ZNF680: variants seen among roughly 807,000 people sequenced by gnomAD.
ZNF680 encodes the protein hypothetical protein FLJ90430.
ZNF680 carries 6 observed loss-of-function variants against 12.1 expected under a neutral mutation model. The observed-to-expected ratio is 0.49, with a 90% confidence interval of 0.27 to 0.98. ZNF680 has a LOEUF of 0.98. ZNF680 is among the 50% of genes least tolerant of loss of function. The pLI is 0.12. For missense variants in ZNF680, 561 were observed against 616.3 expected (o/e 0.91, Z 0.95); for synonymous variants, 170 against 199.3 (o/e 0.85, Z 1.24).
chr7:64,500,748 G>T, the ZNF680 span: 1 of 292,090 alleles, frequency 3.4e-6, no homozygotes, highest in South Asian at 4.0e-5. Flanking sequence ...TAGAACCTGG[G>T]AGTAGGAGAC....
At chr7:64,530,472 A>G (rs1471106319) in intron 3 of ZNF680, among the ~76,000 whole-genome samples, 1 of 152,208 alleles carries the variant, frequency 6.6e-6, no homozygotes, top group Non-Finnish European at 1.5e-5. Flanking sequence ...GGAAAAAAAC[A>G]TTTCATGCAA....
At position 64,522,041 on chromosome 7, in the gene ZNF680, T is replaced by C; in HGVS notation, c.713A>G (p.Tyr238Cys). Residue 238 changes from tyrosine to cysteine, a missense_variant, in exon 4 of 4, where the codon TAC becomes TGC. Transcript: ENST00000309683. ...HKGIHMGEKPYKCEECGKAFN... is the reference protein window; with the variant it reads ...HKGIHMGEKPCKCEECGKAFN... ...GGCTTTGCCACATTCCTCACATTTG[T>C]AGGGTTTCTCTCCCATATGAATTCC... 6.2e-7 allele frequency: 1 copy of C among 1,613,124 alleles called. No homozygotes were observed. Among genetic ancestry groups the C allele is most frequent in the Non-Finnish European group, 8.5e-7 (1 of 1,179,556 alleles).
At chr7:64,531,312 T>G (rs908119651) in intron 3 of ZNF680, among the ~76,000 whole-genome samples, 3 of 151,940 alleles carry the variant, frequency 2.0e-5, no homozygotes, top group Non-Finnish European at 4.4e-5. Context: ...AAACTAGAAA[T>G]CAGCCGGGCG....
chr7:64,503,378 C>CTTTTTTTT, the ZNF680 span, among the ~76,000 whole-genome samples: 3 of 89,900 alleles, frequency 3.3e-5, no homozygotes, highest in Non-Finnish European at 4.1e-5. Flanking sequence ...AACTGGAAGG[C>CTTTTTTTT]TTTTTTTTTT....
the ZNF680 span, among the ~76,000 whole-genome samples, chr7:64,509,763 AG>A: frequency 2.0e-5 from 3 of 152,120 alleles, no homozygotes; most frequent in African/African-American, 7.2e-5. Context: ...TAGCTTCTCC[AG>A]GAACATGGGT....
chr7:64,553,867 G>A (rs1426345194), intron 1 of ZNF680, among the ~76,000 whole-genome samples: 3 of 152,170 alleles, frequency 2.0e-5, no homozygotes, highest in African/African-American at 7.2e-5. Flanking sequence ...GATTGCAGAC[G>A]GAGTCTCGCT....
intron 3 of ZNF680, among the ~76,000 whole-genome samples, chr7:64,535,191 T>C (rs1041578050): frequency 2.4e-4 from 37 of 152,026 alleles, no homozygotes; most frequent in African/African-American, 7.0e-4. Context: ...CTGGACAACA[T>C]TGTCTCTATC....
intron 1 of ZNF680, among the ~76,000 whole-genome samples, chr7:64,554,234 G>A (rs1321949478): frequency 1.0e-4 from 15 of 150,080 alleles, no homozygotes; most frequent in South Asian, 2.1e-4. Context: ...CTGCCCGGCC[G>A]CGACCCCGTC....
the ZNF680 span, among the ~76,000 whole-genome samples, chr7:64,504,577 C>A: frequency 1.4e-4 from 22 of 152,116 alleles, no homozygotes; most frequent in Admixed American, 2.6e-4. Flanking sequence ...AGGATTCATA[C>A]TTTTTATAAT....
chr7:64,519,717 A>T (rs1338539965), downstream of ZNF680, among the ~76,000 whole-genome samples: 1 of 151,844 alleles, frequency 6.6e-6, no homozygotes, highest in African/African-American at 2.4e-5. Flanking sequence ...ACATCAGTTA[A>T]TCTGGAGGAC....
At chr7:64,562,244 A>G (rs1457663255) in intron 1 of ZNF680, among the ~76,000 whole-genome samples, 1 of 152,064 alleles carries the variant, frequency 6.6e-6, no homozygotes, top group East Asian at 1.9e-4. Context: ...AAAAAAAAAA[A>G]AAAAAATCTA....
intron 1 of ZNF680, among the ~76,000 whole-genome samples, chr7:64,556,263 A>G (rs1248385433): frequency 4.1e-5 from 6 of 146,638 alleles, no homozygotes; most frequent in African/African-American, 1.3e-4. Flanking sequence ...CGGAACTAAA[A>G]AAAAAAAAAA....
chr7:64,561,040 CTA>C (rs1446164792), intron 1 of ZNF680: 1 of 151,362 alleles, frequency 6.6e-6, no homozygotes, highest in African/African-American at 2.4e-5. Flanking sequence ...TTTTTTTTCA[CTA>C]TTTTTCTGCC....
intron 3 of ZNF680, among the ~76,000 whole-genome samples, chr7:64,540,082 G>A (rs1562758542): frequency 2.6e-5 from 4 of 151,968 alleles, no homozygotes; most frequent in Admixed American, 2.0e-4. Flanking sequence ...AATCACAAAC[G>A]TGTTTCTCTC....
intron 3 of ZNF680, among the ~76,000 whole-genome samples, chr7:64,532,797 C>A (rs1294437476): frequency 1.3e-5 from 2 of 152,144 alleles, no homozygotes; most frequent in African/African-American, 4.8e-5. Context: ...CTAACTGAAT[C>A]CAACAACATA....
At chr7:64,505,988 C>T in the ZNF680 span, among the ~76,000 whole-genome samples, 34,286 of 151,916 alleles carry the variant, frequency 0.23, 4,063 homozygotes, top group South Asian at 0.28. Flanking sequence ...TCAGTTTAGC[C>T]CAATCAGGAT....
Position 64,550,843 on chromosome 7 carries a change from G to A in ZNF680, c.31-6411C>T, listed in dbSNP as rs758960701. Among the ~76,000 whole-genome samples, 6 of 140,990 alleles carry A rather than the reference G, an allele frequency of 4.3e-5. 1 individual carries two copies. The highest frequency in any genetic ancestry group is 9.1e-5 in the Non-Finnish European group (6 of 66,294). 92.5% of individuals were successfully genotyped at this position (140,990 alleles called of 152,430 possible). ...AGCCTAAGAGGGAAAGGCCCCTCTA[G>A]AGTAAAGCTTGGTTGGCGCCTTATA... is the stretch of plus-strand genomic sequence containing the variant. On this transcript the variant is annotated intron_variant, in intron 1 of 3. Transcript: ENST00000309683.
chr7:64,521,501 C>T lies in ZNF680; in HGVS notation c.1253G>A (p.Cys418Tyr), dbSNP rs749050070. The change falls in exon 4 of 4, where the codon TGC (cysteine) becomes TAC (tyrosine). Residue 418 changes from cysteine (C) to tyrosine (Y), a missense_variant. Coordinates refer to ENST00000309683, the MANE Select transcript of ZNF680 (RefSeq NM_178558.5). ...TCTCTTATGTCGAGTAAGGCTGGAGCACCCATTAAAAGCTTTGCCACATTC... is the reference window on the plus strand; with the variant it reads ...TCTCTTATGTCGAGTAAGGCTGGAGTACCCATTAAAAGCTTTGCCACATTC... The part of the protein sequence containing the change: ...CEECGKAFNG[C>Y]SSLTRHKRIH... 2 of 1,610,512 alleles carry T rather than the reference C, an allele frequency of 1.2e-6. No individual in the cohort carries two copies. The highest frequency in any genetic ancestry group is 2.2e-5 in the South Asian group (2 of 90,898).
chr7:64,526,469 T>A (rs1208789419), intron 3 of ZNF680: 2 of 1,306,704 alleles, frequency 1.5e-6, no homozygotes, highest in East Asian at 5.3e-5. Flanking sequence ...GGCAGTAAGA[T>A]AACTTGAGAC....
Sources: allele counts gnomAD v4.1 joint callset (sites outside exome capture counted in the v4.1 genomes callset), GRCh38; gene constraint gnomAD v4.1.1; transcripts MANE v1.5; gene names NCBI Gene and HGNC (gene_info 2026-07-23, HGNC 2026-07-21).